Variants in ATRNL1 observed in about 807,000 individuals in gnomAD.
The protein encoded by ATRNL1 is attractin like 1.
Under a neutral mutation model 182.7 loss-of-function variants are expected in ATRNL1, and 95 were observed. The ratio of observed to expected loss-of-function variants is 0.52; its 90% CI spans 0.44 to 0.62. The LOEUF is 0.62. Among genes scored for constraint, ATRNL1 ranks in the 20% least tolerant of loss-of-function variants. ATRNL1 has a pLI of 0.00. For missense variants in ATRNL1, 1,471 were observed against 1,679.5 expected (o/e 0.88, Z 2.17); for synonymous variants, 576 against 568.3 (o/e 1.01, Z -0.19).
At chr10:115,207,958 A>C (rs529044624) in intron 8 of ATRNL1, among the ~76,000 whole-genome samples, 6 of 152,080 alleles carry the variant, frequency 3.9e-5, no homozygotes, top group African/African-American at 1.4e-4. Context: ...TCACTATCAC[A>C]TATCTCAAAC....
chr10:115,880,717 T>G (rs1444629503), intron 28 of ATRNL1, among the ~76,000 whole-genome samples: 2 of 152,238 alleles, frequency 1.3e-5, no homozygotes, highest in Non-Finnish European at 2.9e-5. Flanking sequence ...AGGCCAATTG[T>G]GTCCCTGTCA....
At chr10:115,741,072 T>A (rs537138346) in intron 27 of ATRNL1, among the ~76,000 whole-genome samples, 2 of 152,240 alleles carry the variant, frequency 1.3e-5, no homozygotes, top group Non-Finnish European at 2.9e-5. Context: ...TCCACAAATA[T>A]TGACCTATAT....
At chr10:115,760,868 G>C (rs530089388) in intron 27 of ATRNL1, among the ~76,000 whole-genome samples, 1 of 152,272 alleles carries the variant, frequency 6.6e-6, no homozygotes, top group East Asian at 1.9e-4. Context: ...ACTACAGAAG[G>C]CTGGTCAATA....
chr10:115,492,603 T>A (rs1157912150), intron 24 of ATRNL1, among the ~76,000 whole-genome samples: 1 of 147,992 alleles, frequency 6.8e-6, no homozygotes, highest in Admixed American at 6.8e-5. Context: ...TTATATATAT[T>A]ATAATTCATT....
At chr10:115,823,608 C>T (rs1490289159) in intron 27 of ATRNL1, among the ~76,000 whole-genome samples, 2 of 152,030 alleles carry the variant, frequency 1.3e-5, no homozygotes, top group African/African-American at 4.8e-5. Flanking sequence ...ATGTACAAAA[C>T]TCACAAGCAT....
At chr10:115,653,582 G>C (rs537619906) in intron 26 of ATRNL1, among the ~76,000 whole-genome samples, 4 of 152,068 alleles carry the variant, frequency 2.6e-5, no homozygotes, top group Non-Finnish European at 5.9e-5. Context: ...TGGACCTTTA[G>C]CACTCTGGTT....
At chr10:115,825,212 A>C (rs1007707199) in intron 27 of ATRNL1, among the ~76,000 whole-genome samples, 25 of 152,100 alleles carry the variant, frequency 1.6e-4, no homozygotes, top group African/African-American at 5.6e-4. Flanking sequence ...GTTCTCACTC[A>C]TGAGTGGGAG....
At chr10:115,708,004 AT>A (rs1234050475) in intron 26 of ATRNL1, among the ~76,000 whole-genome samples, 1 of 151,704 alleles carries the variant, frequency 6.6e-6, no homozygotes, top group Non-Finnish European at 1.5e-5. Flanking sequence ...AGGTAAAAAT[AT>A]TCCTTGATGT....
At chr10:115,767,088 T>C (rs1236703723) in intron 27 of ATRNL1, among the ~76,000 whole-genome samples, 2 of 152,202 alleles carry the variant, frequency 1.3e-5, no homozygotes, top group African/African-American at 4.8e-5. Flanking sequence ...CTGCTTTATC[T>C]CATGACTCAC....
intron 21 of ATRNL1, among the ~76,000 whole-genome samples, chr10:115,454,281 C>A (rs1554968258): frequency 6.6e-6 from 1 of 152,016 alleles, no homozygotes; most frequent in Non-Finnish European, 1.5e-5. Flanking sequence ...ATGCCAGTAC[C>A]AAACTATTTT....
chr10:115,221,170 A>C (rs1179235112), intron 9 of ATRNL1, among the ~76,000 whole-genome samples: 1 of 152,200 alleles, frequency 6.6e-6, no homozygotes. Context: ...AATGCGAGTG[A>C]TGGAGAATGG....
intron 27 of ATRNL1, among the ~76,000 whole-genome samples, chr10:115,800,004 C>T (rs372174529): frequency 7.3e-4 from 111 of 151,778 alleles, no homozygotes; most frequent in African/African-American, 2.6e-3. Context: ...GTGGATCACC[C>T]GAGGTCAGGA....
chr10:115,912,555 C>T (rs1952715506), intron 28 of ATRNL1, among the ~76,000 whole-genome samples: 1 of 151,912 alleles, frequency 6.6e-6, no homozygotes, highest in South Asian at 2.1e-4. Flanking sequence ...AGTTCATATT[C>T]AGGTTCAGTA....
intron 10 of ATRNL1, among the ~76,000 whole-genome samples, chr10:115,263,926 C>T (rs1851496725): frequency 6.6e-6 from 1 of 151,732 alleles, no homozygotes; most frequent in Non-Finnish European, 1.5e-5. Context: ...TACCTTTACA[C>T]TCTCTCTTTT....
At chr10:115,236,281 A>C (rs1850175588) in intron 9 of ATRNL1, among the ~76,000 whole-genome samples, 1 of 152,158 alleles carries the variant, frequency 6.6e-6, no homozygotes, top group African/African-American at 2.4e-5. Context: ...ATATCCATTT[A>C]TAGATCTGGG....
intron 19 of ATRNL1, among the ~76,000 whole-genome samples, chr10:115,344,632 CTG>C (rs1311287333): frequency 3.3e-5 from 5 of 152,210 alleles, no homozygotes; most frequent in Admixed American, 6.5e-5. Context: ...CCACCTGTGA[CTG>C]TGTTAGTTCC....
At chr10:115,788,847 T>C (rs1248756040) in intron 27 of ATRNL1, among the ~76,000 whole-genome samples, 1 of 152,256 alleles carries the variant, frequency 6.6e-6, no homozygotes, top group Non-Finnish European at 1.5e-5. Context: ...GGCAAAGGGC[T>C]GCAGTTGGGG....
In ATRNL1 at chr10:115,931,264, T is replaced by A. The variant is rs77765568; in HGVS notation, c.4019-13394T>A. ...AAGTAATTTAATTTAGGATTTCGGATTAAGAGACTACGAAACTAAATCTGA... is the reference window on the plus strand; with the variant it reads ...AAGTAATTTAATTTAGGATTTCGGAATAAGAGACTACGAAACTAAATCTGA... On this transcript the variant is annotated intron_variant, in intron 28 of 28. Coordinates refer to ENST00000355044, the MANE Select transcript of ATRNL1 (RefSeq NM_207303.4). Among the ~76,000 whole-genome samples, 49 of 150,476 alleles carry A rather than the reference T, an allele frequency of 3.3e-4. 2 individuals carry two copies. The East Asian group carries it at 8.9e-3, about 27-fold the overall frequency.
intron 21 of ATRNL1, among the ~76,000 whole-genome samples, chr10:115,431,409 A>G (rs1846157274): frequency 6.6e-6 from 1 of 151,804 alleles, no homozygotes; most frequent in Admixed American, 6.6e-5. Flanking sequence ...ACTAAAAAAA[A>G]AAAAAAAAAA....
Sources: allele counts gnomAD v4.1 joint callset (sites outside exome capture counted in the v4.1 genomes callset), GRCh38; gene constraint gnomAD v4.1.1; transcripts MANE v1.5; gene names NCBI Gene and HGNC (gene_info 2026-07-23, HGNC 2026-07-21).